GRB10: variants seen among roughly 807,000 people sequenced by gnomAD.
The protein encoded by GRB10 is growth factor receptor-bound protein 10.
A neutral mutation model predicts 80.9 loss-of-function variants in GRB10; 20 were observed. The ratio of observed to expected loss-of-function variants is 0.25; its 90% CI spans 0.17 to 0.36. GRB10 has a LOEUF of 0.36. GRB10 is among the 10% of genes least tolerant of loss of function. The probability of loss-of-function intolerance (pLI) is 1.00; values close to 1 mark genes in which losing one functional copy is unlikely to be tolerated. For synonymous variants in GRB10, 291 were observed against 291.5 expected (o/e 1.00, Z 0.02); for missense variants, 548 against 747.7 (o/e 0.73, Z 3.12).
At chr7:50,661,135 C>T (rs1332853857) in intron 7 of GRB10, among the ~76,000 whole-genome samples, 7 of 152,330 alleles carry the variant, frequency 4.6e-5, no homozygotes, top group Non-Finnish European at 8.8e-5. Context: ...GCATTCTCTC[C>T]GTGCAATACA....
chr7:50,686,050 C>T (rs2062070173), intron 5 of GRB10, among the ~76,000 whole-genome samples: 2 of 152,074 alleles, frequency 1.3e-5, no homozygotes, highest in Non-Finnish European at 2.9e-5. Flanking sequence ...TCCCAGTCTC[C>T]GGGGGTGGGC....
intron 5 of GRB10, among the ~76,000 whole-genome samples, chr7:50,685,067 C>T (rs934315401): frequency 6.6e-6 from 1 of 152,114 alleles, no homozygotes; most frequent in African/African-American, 2.4e-5. Flanking sequence ...AATTAGACAC[C>T]GGGGAATCTT....
intron 7 of GRB10, among the ~76,000 whole-genome samples, chr7:50,641,041 G>A (rs180993501): frequency 6.0e-4 from 92 of 152,222 alleles, no homozygotes; most frequent in Non-Finnish European, 1.1e-3. Context: ...TCATGGGAAC[G>A]CGGTCCTGCT....
rs549255244 is a variant in GRB10 at position 50,595,708 on chromosome 7, GGCAA to G, written c.1545-182_1545-179del. 1.1e-3 allele frequency: 659 copies of G among 594,356 alleles called. 2 individuals are homozygous for G. Among genetic ancestry groups the G allele is most frequent in the Non-Finnish European group, 1.5e-3 (488 of 329,316 alleles). 36.8% of individuals were successfully genotyped at this position (594,356 alleles called of 1,614,324 possible). A position where few individuals can be genotyped will look rare whatever the true frequency, so the allele number is the denominator to read the frequency against. ...GGCCTCTAGGGGCAACAGCACACCA[GGCAA>G]GCACCAAGACGGTAATTCTGAATTG... is the stretch of plus-strand genomic sequence containing the variant. On this transcript the variant is annotated intron_variant, in intron 17 of 18. Coordinates refer to ENST00000401949, the MANE Select transcript of GRB10 (RefSeq NM_001350814.2).
At chr7:50,776,376 CTAAT>C (rs2077649029) in intron 2 of GRB10, among the ~76,000 whole-genome samples, 1 of 143,178 alleles carries the variant, frequency 7.0e-6, no homozygotes, top group South Asian at 2.1e-4. Flanking sequence ...CCACACTCCG[CTAAT>C]TTTTTTTTTT....
chr7:50,676,344 G>T (rs867111319), intron 5 of GRB10, among the ~76,000 whole-genome samples: 3 of 135,912 alleles, frequency 2.2e-5, no homozygotes, highest in Non-Finnish European at 5.0e-5. Flanking sequence ...CCGGGGGGGG[G>T]GGGGGGTTGT....
At chr7:50,706,310 T>C (rs1182644502) in intron 4 of GRB10, among the ~76,000 whole-genome samples, 3 of 152,242 alleles carry the variant, frequency 2.0e-5, no homozygotes, top group Non-Finnish European at 4.4e-5. Context: ...GTAGACACTC[T>C]GTAGTTGTTT....
chr7:50,763,764 A>G (rs1247311604), intron 2 of GRB10, among the ~76,000 whole-genome samples: 1 of 152,208 alleles, frequency 6.6e-6, no homozygotes, highest in Non-Finnish European at 1.5e-5. Context: ...AGCATCTGAG[A>G]GTCATCCACT....
chr7:50,765,187 T>G (rs983155559), intron 2 of GRB10, among the ~76,000 whole-genome samples: 3 of 152,144 alleles, frequency 2.0e-5, no homozygotes, highest in Non-Finnish European at 2.9e-5. Context: ...GGGGAGAATG[T>G]ACCAAAGGGG....
At chr7:50,748,395 C>T (rs879137432) in intron 3 of GRB10, among the ~76,000 whole-genome samples, 2 of 152,126 alleles carry the variant, frequency 1.3e-5, no homozygotes, top group African/African-American at 2.4e-5. Flanking sequence ...GAGAGCGTCA[C>T]GGCAGATGTG....
chr7:50,594,707 C>T (rs970194696), intron 18 of GRB10, among the ~76,000 whole-genome samples: 7 of 152,200 alleles, frequency 4.6e-5, no homozygotes, highest in Admixed American at 3.3e-4. Flanking sequence ...AGGCGCTGAT[C>T]TAGCACTCTA....
intron 3 of GRB10, among the ~76,000 whole-genome samples, chr7:50,752,509 G>A (rs1167625400): frequency 6.6e-6 from 1 of 152,192 alleles, no homozygotes; most frequent in African/African-American, 2.4e-5. Context: ...TCCTATAAAT[G>A]GGAAAGAACC....
At chr7:50,694,384 CCAATA>C (rs1192638835) in intron 5 of GRB10, among the ~76,000 whole-genome samples, 2 of 152,186 alleles carry the variant, frequency 1.3e-5, no homozygotes, top group Non-Finnish European at 2.9e-5. Flanking sequence ...GCCACTGATA[CCAATA>C]CAAGAGTAGG....
intron 3 of GRB10, among the ~76,000 whole-genome samples, chr7:50,755,057 G>A (rs545588413): frequency 6.6e-6 from 1 of 152,220 alleles, no homozygotes; most frequent in Non-Finnish European, 1.5e-5. Flanking sequence ...CTTGACCTCA[G>A]ACTTCCAGCC....
intron 3 of GRB10, among the ~76,000 whole-genome samples, chr7:50,740,632 G>A (rs1490850802): frequency 6.6e-6 from 1 of 151,642 alleles, no homozygotes; most frequent in East Asian, 1.9e-4. Flanking sequence ...CATGTAGAAT[G>A]GAAAACAATA....
intron 6 of GRB10, among the ~76,000 whole-genome samples, chr7:50,672,180 C>T (rs773784510): frequency 1.3e-5 from 2 of 152,166 alleles, no homozygotes; most frequent in Non-Finnish European, 2.9e-5. Context: ...CAGCTCCCTT[C>T]GGGTTGCATG....
At chr7:50,708,557 ATTGTGTTAGCT>A (rs976210924) in intron 4 of GRB10, among the ~76,000 whole-genome samples, 1 of 151,694 alleles carries the variant, frequency 6.6e-6, no homozygotes, top group Admixed American at 6.6e-5. Flanking sequence ...AAGGTTTATC[ATTGTGTTAGCT>A]TGGTTTCCTC....
chr7:50,696,319 G>C (rs1272301969), intron 5 of GRB10, among the ~76,000 whole-genome samples: 1 of 152,166 alleles, frequency 6.6e-6, no homozygotes, highest in African/African-American at 2.4e-5. Flanking sequence ...TTCTTAAAGA[G>C]GGCACACCAT....
chr7:50,592,994 C>T lies in GRB10; in HGVS notation c.1743G>A (p.Leu581=). The part of the protein sequence containing the change: ...VDFYQLNKGV[L]PCKLKHHCIR... ...TGCAGTGGTGCTTGAGTTTGCAAGG[C>T]AGGACTCCTTTGTTCAGCTGGTAAA... The change falls in exon 19 of 19, where the codon CTG becomes CTA. Residue 581 remains leucine (L), a synonymous_variant. Coordinates refer to ENST00000401949, the MANE Select transcript of GRB10 (RefSeq NM_001350814.2). 1 of 1,614,204 alleles carries T rather than the reference C, an allele frequency of 6.2e-7. No individual in the cohort carries two copies. The highest frequency in any genetic ancestry group is 8.5e-7 in the Non-Finnish European group (1 of 1,180,036).
Sources: gnomAD v4.1 joint callset for allele counts (sites outside exome capture counted in the v4.1 genomes callset) on GRCh38, gnomAD v4.1.1 for gene constraint, MANE v1.5 for transcripts, NCBI Gene and HGNC (gene_info 2026-07-23, HGNC 2026-07-21) for gene names.